The following BCL2 variants were observed in gnomAD, a reference collection of about 807,000 sequenced individuals.
BCL2 encodes BCL2 apoptosis regulator.
BCL2 carries 1 observed loss-of-function variant against 14.2 expected under a neutral mutation model. The ratio of observed to expected loss-of-function variants is 0.07; its 90% CI spans 0.02 to 0.33. The LOEUF (loss-of-function observed/expected upper bound fraction) is 0.33, where lower values mean the gene tolerates loss of function less well. Among genes scored for constraint, BCL2 ranks in the 10% least tolerant of loss-of-function variants. The probability of loss-of-function intolerance (pLI) is 0.99; values close to 1 mark genes in which losing one functional copy is unlikely to be tolerated. For missense variants in BCL2, 247 were observed against 305.9 expected, an observed-to-expected ratio of 0.81 and a Z score of 1.44; for synonymous variants, 151 against 137.2, an observed-to-expected ratio of 1.10 and a Z score of -0.70.
chr18:63,315,821 C>T (rs1913479469), intron 2 of BCL2: 1 of 152,162 alleles, frequency 6.6e-6, no homozygotes, highest in Non-Finnish European at 1.5e-5. Context: ...AACACTACCA[C>T]TTTTATTCCA....
rs1467376730 is a variant in BCL2, at chr18:63,318,401, A to G, written c.266T>C (p.Val89Ala). ...GAGGGTCAGGTGGACCACAGGTGGC[A>G]CCGGGCTGAGCGCAGGCCCCGCGGC... ...GAAAGPALSP[V>A]PPVVHLTLRQ... Residue 89 changes from valine to alanine, a missense_variant, in exon 2 of 3, where the codon GTG becomes GCG. By Grantham distance (64) the Val-to-Ala change is moderately conservative. Transcript: ENST00000333681. The surrounding 1 kb of genome is among the most constrained non-coding windows in gnomAD (Gnocchi z 7.4). The G allele has an allele frequency of 6.4e-7, 1 of 1,563,780 alleles. No individual in the cohort carries two copies. Among genetic ancestry groups the G allele is most frequent in the East Asian group, 2.3e-5 (1 of 44,050 alleles).
chr18:63,166,537 C>T (rs1599219659), intron 2 of BCL2, among the ~76,000 whole-genome samples: 2 of 152,258 alleles, frequency 1.3e-5, no homozygotes, highest in South Asian at 2.1e-4. Flanking sequence ...TCATGGAAAA[C>T]GTATACATAT....
At chr18:63,244,811 G>A (rs1008438896) in intron 2 of BCL2, among the ~76,000 whole-genome samples, 3 of 152,156 alleles carry the variant, frequency 2.0e-5, no homozygotes, top group South Asian at 4.1e-4. Flanking sequence ...GGCCTCTGTG[G>A]ATTCCTTTTT....
chr18:63,290,049 T>C (rs1912601546), intron 2 of BCL2, among the ~76,000 whole-genome samples: 1 of 151,898 alleles, frequency 6.6e-6, no homozygotes, highest in South Asian at 2.1e-4. Context: ...TGGAGGGCAG[T>C]GAAGGATGCT....
intron 2 of BCL2, among the ~76,000 whole-genome samples, chr18:63,161,363 T>C (rs754343888): frequency 6.6e-6 from 1 of 152,232 alleles, no homozygotes; most frequent in Non-Finnish European, 1.5e-5. Flanking sequence ...TGAAATGAAG[T>C]TGCAGCCTCT....
intron 2 of BCL2, among the ~76,000 whole-genome samples, chr18:63,312,450 GAAC>G (rs1913358310): frequency 6.6e-6 from 1 of 152,192 alleles, no homozygotes; most frequent in Middle Eastern, 3.2e-3. Flanking sequence ...GCATATATAA[GAAC>G]AACAAGTGAC....
At chr18:63,139,729 T>C (rs1284139120) in intron 2 of BCL2, among the ~76,000 whole-genome samples, 2 of 152,202 alleles carry the variant, frequency 1.3e-5, no homozygotes, top group African/African-American at 4.8e-5. Context: ...ACGAAGTTTC[T>C]TCATTTTTCT....
intron 2 of BCL2, among the ~76,000 whole-genome samples, chr18:63,201,628 C>T (rs564731899): frequency 3.9e-4 from 60 of 152,098 alleles, no homozygotes; most frequent in South Asian, 8.3e-4. Context: ...ACATATACAC[C>T]ATGGAATACT....
At chr18:63,208,956 G>T (rs1046164695) in intron 2 of BCL2, among the ~76,000 whole-genome samples, 1 of 152,158 alleles carries the variant, frequency 6.6e-6, no homozygotes, top group African/African-American at 2.4e-5. Flanking sequence ...ACGTGCCACT[G>T]CTCTGACTGC....
chr18:63,145,368 A>G (rs4987823), intron 2 of BCL2, among the ~76,000 whole-genome samples: 16,102 of 124,334 alleles, frequency 0.13, 1,290 homozygotes, highest in East Asian at 0.38. Flanking sequence ...TTCCCTGGCC[A>G]CTCGCCCCAC....
At chr18:63,300,799 A>C (rs955963805) in intron 2 of BCL2, among the ~76,000 whole-genome samples, 4 of 152,162 alleles carry the variant, frequency 2.6e-5, no homozygotes, top group Non-Finnish European at 5.9e-5. Context: ...CACGCAGAAG[A>C]GCCTCAGAGA....
intron 2 of BCL2, among the ~76,000 whole-genome samples, chr18:63,276,465 G>T (rs1162102894): frequency 2.0e-5 from 3 of 152,168 alleles, no homozygotes; most frequent in African/African-American, 7.2e-5. Context: ...ACATGGGATG[G>T]TCTAGCACAA....
intron 2 of BCL2, among the ~76,000 whole-genome samples, chr18:63,233,740 T>A (rs1295816606): frequency 1.3e-5 from 2 of 152,164 alleles, no homozygotes; most frequent in East Asian, 3.9e-4. Flanking sequence ...TGGGGACCCC[T>A]GGCTTATGAC....
chr18:63,306,413 G>A (rs906116102), intron 2 of BCL2, among the ~76,000 whole-genome samples: 3 of 152,274 alleles, frequency 2.0e-5, no homozygotes, highest in Admixed American at 6.5e-5. Context: ...TCAGGGTGAC[G>A]TATCTGAAAC....
chr18:63,200,386 C>T (rs12454618), intron 2 of BCL2, among the ~76,000 whole-genome samples: 148,833 of 152,338 alleles, frequency 0.98, 72,788 homozygotes, highest in East Asian at 1. Flanking sequence ...AGAACAATAA[C>T]TGATTTATAT....
intron 2 of BCL2, among the ~76,000 whole-genome samples, chr18:63,203,233 T>TA (rs900303135): frequency 9.9e-5 from 15 of 152,212 alleles, no homozygotes; most frequent in African/African-American, 2.4e-4. Flanking sequence ...AGGTTTTATT[T>TA]AAAAAAACTC....
intron 2 of BCL2, among the ~76,000 whole-genome samples, chr18:63,251,496 T>G (rs1360483794): frequency 2.6e-5 from 4 of 151,144 alleles, no homozygotes; most frequent in Non-Finnish European, 5.9e-5. Flanking sequence ...TACAAAAAAA[T>G]TAGCCAGGCG....
At chr18:63,297,458 C>T (rs958980037) in intron 2 of BCL2, among the ~76,000 whole-genome samples, 2 of 152,170 alleles carry the variant, frequency 1.3e-5, no homozygotes, top group African/African-American at 4.8e-5. Context: ...GGCCACATTA[C>T]GTGAGCCTGG....
chr18:63,191,351 C>A (rs560843763), intron 2 of BCL2, among the ~76,000 whole-genome samples: 3 of 152,342 alleles, frequency 2.0e-5, no homozygotes, highest in African/African-American at 7.2e-5. Flanking sequence ...TCTCCACAGC[C>A]TTGCCAGCAT....
Sources: allele counts gnomAD v4.1 joint callset (sites outside exome capture counted in the v4.1 genomes callset), GRCh38; gene constraint gnomAD v4.1.1; non-coding constraint Gnocchi (gnomAD v3.1); transcripts MANE v1.5; gene names NCBI Gene and HGNC (gene_info 2026-07-23, HGNC 2026-07-21).